The following PUS7L variants were observed in gnomAD, a reference collection of about 807,000 sequenced individuals.
The protein encoded by PUS7L is pseudouridine synthase 7 like.
In PUS7L, 49 loss-of-function variants were observed where a neutral mutation model predicts 51.1. The ratio of observed to expected loss-of-function variants is 0.96; its 90% CI spans 0.76 to 1.22. The LOEUF (loss-of-function observed/expected upper bound fraction) is 1.22, where lower values mean the gene tolerates loss of function less well. PUS7L is among the 50% of genes most tolerant of loss of function. The pLI, the probability that PUS7L is intolerant of heterozygous loss-of-function variation, is 0.00. For missense variants in PUS7L, 828 were observed against 820.6 expected (o/e 1.01, Z -0.11); for synonymous variants, 277 against 276.2 (o/e 1.00, Z -0.03).
In PUS7L at chr12:43,730,125, A is replaced by C; in HGVS notation, c.*251T>G. 1 of 447,222 alleles carries C rather than the reference A, an allele frequency of 2.2e-6. No individual in the cohort carries two copies. Among genetic ancestry groups the C allele is most frequent in the Non-Finnish European group, 4.0e-6 (1 of 249,998 alleles). The allele number at this position is 447,222 out of a possible 1,614,324, so 27.7% of individuals were successfully genotyped here. A position where few individuals can be genotyped will look rare whatever the true frequency, so the allele number is the denominator to read the frequency against. ...AAAAGATTGTAACTTTATGACACAG[A>C]ATAAAGGTCACTGAAACATATAATA... On this transcript the variant is annotated 3_prime_UTR_variant, in exon 9 of 9. Transcript: ENST00000344862.
intron 2 of PUS7L, among the ~76,000 whole-genome samples, chr12:43,754,101 A>G (rs1938579150): frequency 6.6e-6 from 1 of 152,212 alleles, no homozygotes; most frequent in African/African-American, 2.4e-5. Context: ...CTAGGTTATC[A>G]GTAAGGCTAA....
chr12:43,753,208 T>C (rs1185457660), intron 2 of PUS7L, among the ~76,000 whole-genome samples: 2 of 152,204 alleles, frequency 1.3e-5, no homozygotes, highest in African/African-American at 4.8e-5. Context: ...AACTATTACA[T>C]AGTAAACAAT....
chr12:43,735,485 T>G (rs1025463222), intron 7 of PUS7L, among the ~76,000 whole-genome samples: 1 of 152,046 alleles, frequency 6.6e-6, no homozygotes, highest in Admixed American at 6.5e-5. Context: ...GAATCATATT[T>G]AGATAAAATC....
At chr12:43,741,307 T>C (rs941782454) in intron 5 of PUS7L, among the ~76,000 whole-genome samples, 1 of 152,242 alleles carries the variant, frequency 6.6e-6, no homozygotes, top group African/African-American at 2.4e-5. Flanking sequence ...ATTCCATCTA[T>C]GGACACTTGT....
chr12:43,730,174 T>G lies in PUS7L; in HGVS notation c.*202A>C, dbSNP rs968838774. ...TAGAAAAAAAACACAGGCTTTGGGG[T>G]CACATGGACCTTAAATTTGGACCCT... On this transcript the variant is annotated 3_prime_UTR_variant, in exon 9 of 9. Transcript: ENST00000344862. The G allele has an allele frequency of 7.4e-5, 39 of 527,614 alleles. No homozygotes were observed. The highest frequency in any genetic ancestry group is 1.0e-4 in the Non-Finnish European group (31 of 296,980). 32.7% of individuals were successfully genotyped at this position (527,614 alleles called of 1,614,324 possible).
chr12:43,735,084 G>A lies in PUS7L; in HGVS notation c.1725+1297C>T, dbSNP rs1592160869. 3.9e-5 allele frequency among the ~76,000 whole-genome samples: 6 copies of A among 152,254 alleles called. 1 individual carries two copies. The South Asian group carries it at 1.2e-3, about 32-fold the overall frequency. On this transcript the variant is annotated intron_variant, in intron 7 of 8. Coordinates refer to ENST00000344862, the MANE Select transcript of PUS7L (RefSeq NM_031292.5). ...TAATCTCAGCACTTTGGGAGGCCGAGGCGGGTGGATCACGAGGTCAGGAGA... is the reference window on the plus strand; with the variant it reads ...TAATCTCAGCACTTTGGGAGGCCGAAGCGGGTGGATCACGAGGTCAGGAGA...
At chr12:43,742,654 A>G (rs762536146) in intron 4 of PUS7L, 99 bp from the exon 5 acceptor site, 12 of 1,430,700 alleles carry the variant, frequency 8.4e-6, no homozygotes, top group Non-Finnish European at 1.1e-5. Context: ...TTTTAACAGA[A>G]TAACTCTGTA....
intron 2 of PUS7L, among the ~76,000 whole-genome samples, chr12:43,753,519 G>A (rs1938552659): frequency 6.6e-6 from 1 of 152,068 alleles, no homozygotes; most frequent in Non-Finnish European, 1.5e-5. Flanking sequence ...GCAAATTTAG[G>A]TTCCTGGTTT....
chr12:43,755,719 G>A (rs758357261), intron 1 of PUS7L, among the ~76,000 whole-genome samples: 1 of 152,148 alleles, frequency 6.6e-6, no homozygotes, highest in African/African-American at 2.4e-5. Flanking sequence ...GACAGGAGAG[G>A]TGACAAAAAG....
intron 1 of PUS7L, among the ~76,000 whole-genome samples, chr12:43,757,905 G>A (rs561102093): frequency 2.0e-5 from 3 of 152,332 alleles, no homozygotes; most frequent in African/African-American, 7.2e-5. Flanking sequence ...CTACAGTGCT[G>A]GAAAATGTAG....
At chr12:43,756,012 A>G (rs1938683886) in intron 1 of PUS7L, among the ~76,000 whole-genome samples, 1 of 152,198 alleles carries the variant, frequency 6.6e-6, no homozygotes, top group Non-Finnish European at 1.5e-5. Context: ...AGCTGCAGGA[A>G]AGATAAATTG....
At chr12:43,748,686 T>C in intron 2 of PUS7L, 77 bp from the exon 3 acceptor site, 4 of 1,132,236 alleles carry the variant, frequency 3.5e-6, no homozygotes, top group Non-Finnish European at 5.0e-6. Context: ...AACAGATTAG[T>C]ATAATAAATC....
chr12:43,740,714 G>A (rs373054877), intron 5 of PUS7L: 1 of 152,104 alleles, frequency 6.6e-6, no homozygotes. Flanking sequence ...ATCAGGGTTG[G>A]TCTCTGTGGC....
rs762472407 is a variant in PUS7L at position 43,754,776 on chromosome 12, A to C, written c.470T>G (p.Leu157Arg). Residue 157 changes from leucine to arginine, a missense_variant, in exon 2 of 9, where the codon CTA (leucine) becomes CGA (arginine). Transcript: ENST00000344862. Reference sequence around the variant, plus strand: ...TCTGCCTATTGAGAATTCAGGAGGTAGTCCAATTAGCTCTGTTTTAGAAAG... The same window carrying C: ...TCTGCCTATTGAGAATTCAGGAGGTCGTCCAATTAGCTCTGTTTTAGAAAG... The part of the protein sequence containing the change: ...KWLSKTELIG[L>R]PPEFSIGRIL... The C allele has an allele frequency of 6.2e-7, 1 of 1,613,988 alleles. No homozygotes were observed. The highest frequency in any genetic ancestry group is 2.2e-5 in the East Asian group (1 of 44,860).
chr12:43,742,794 C>G (rs1402797137), intron 4 of PUS7L: 8 of 290,458 alleles, frequency 2.8e-5, no homozygotes, highest in Non-Finnish European at 4.1e-5. Flanking sequence ...CGTCAGCTTT[C>G]CATTCATGTT....
intron 2 of PUS7L, among the ~76,000 whole-genome samples, chr12:43,750,480 T>C (rs1004256858): frequency 4.6e-5 from 7 of 152,200 alleles, no homozygotes; most frequent in Non-Finnish European, 7.3e-5. Context: ...GGTCACTAAA[T>C]TTATAAGTTT....
chr12:43,736,498 G>C lies in PUS7L; in HGVS notation c.1608C>G (p.Ser536Arg), dbSNP rs760858499. The C allele has an allele frequency of 1.1e-5, 17 of 1,614,172 alleles. No homozygotes were observed. The South Asian group carries it at 1.8e-4, about 17-fold the overall frequency. Reference protein sequence around the residue: ...MRIFYVHAYTSKIWNEAVSYR... With the variant: ...MRIFYVHAYTRKIWNEAVSYR... ...AAGATACTGCCTCATTCCAAATTTT[G>C]CTGGTATATGCGTGAACATAGAATA... The change falls in exon 7 of 9, where the codon AGC becomes AGG. Residue 536 changes from serine to arginine, a missense_variant. Coordinates refer to ENST00000344862, the MANE Select transcript of PUS7L (RefSeq NM_031292.5).
Position 43,746,045 on chromosome 12 carries a change from C to T in PUS7L, c.1263+1G>A. 4.9e-6 allele frequency: 7 copies of T among 1,441,910 alleles called. No homozygotes were observed. The highest frequency in any genetic ancestry group is 6.7e-6 in the Non-Finnish European group (7 of 1,038,174). The allele number at this position is 1,441,910 out of a possible 1,614,324, so 89.3% of individuals were successfully genotyped here. A position where few individuals can be genotyped will look rare whatever the true frequency, so the allele number is the denominator to read the frequency against. On this transcript the variant is annotated splice_donor_variant, in intron 4 of 8. Transcript: ENST00000344862. LOFTEE classifies it high-confidence loss of function. ...TGCCTTTTAAAATTAAGTTTTCTTA[C>T]CTTAACATTTTCTATTGCTTCCATA...
rs113499573 is a variant in PUS7L at position 43,743,230 on chromosome 12, C to G, written c.1264-675G>C. ...GAAATGGAAAACTGTAACATACTAC[C>G]GCAACCATTAAAGAAATTGGTCAGT... On this transcript the variant is annotated intron_variant, in intron 4 of 8. Coordinates refer to ENST00000344862, the MANE Select transcript of PUS7L (RefSeq NM_031292.5). Among the ~76,000 whole-genome samples the G allele has an allele frequency of 6.7e-3, 1,025 of 152,216 alleles. 8 individuals carry two copies. Among genetic ancestry groups the G allele is most frequent in the Non-Finnish European group, 0.011 (749 of 68,014 alleles).
Sources: gnomAD v4.1 joint callset for allele counts (sites outside exome capture counted in the v4.1 genomes callset) on GRCh38, gnomAD v4.1.1 for gene constraint, MANE v1.5 for transcripts, NCBI Gene and HGNC (gene_info 2026-07-23, HGNC 2026-07-21) for gene names.